Variants in ZFP30 observed in about 807,000 individuals in gnomAD.
ZFP30 encodes the protein ZFP30 zinc finger protein, also known as zinc finger protein 30 homolog.
ZFP30 carries 16 observed loss-of-function variants against 12.3 expected under a neutral mutation model. The ratio of observed to expected loss-of-function variants is 1.30; its 90% confidence interval spans 0.88 to 1.98. The LOEUF (loss-of-function observed/expected upper bound fraction) is 1.98. Ranked by LOEUF, ZFP30 falls within the 30% of genes most tolerant of loss-of-function variation. ZFP30 has a pLI of 0.00. For synonymous variants in ZFP30, 172 were observed against 201.0 expected (o/e 0.86, Z 1.22); for missense variants, 560 against 611.2 (o/e 0.92, Z 0.88).
chr19:37,649,433 GAAAT>G (rs2044605526), intron 2 of ZFP30, among the ~76,000 whole-genome samples: 2 of 152,082 alleles, frequency 1.3e-5, no homozygotes, highest in African/African-American at 4.8e-5. Flanking sequence ...TACAAAGAAT[GAAAT>G]AATATGTGGA....
chr19:37,635,872 G>A lies in ZFP30; in HGVS notation c.669C>T (p.Phe223=), dbSNP rs148086440. ...GTACTCGAAGGTCTGAGCCACATGT[G>A]AAGATCTTTCCACATTTTTTACATT... The part of the protein sequence containing the change: ...LYECKKCGKI[F]TCGSDLRVHQ... Residue 223 remains phenylalanine (F), a synonymous_variant, in exon 6 of 6, where the codon TTC becomes TTT. Coordinates refer to ENST00000684514, the MANE Select transcript of ZFP30 (RefSeq NM_001320669.3). 5 of 1,614,118 alleles carry A rather than the reference G, an allele frequency of 3.1e-6. No homozygotes were observed. The highest frequency in any genetic ancestry group is 4.2e-6 in the Non-Finnish European group (5 of 1,180,026).
rs2044303444 is a variant in ZFP30, at chr19:37,635,453, A to C, written c.1088T>G (p.Phe363Cys). 6.2e-7 allele frequency: 1 copy of C among 1,614,050 alleles called. No homozygotes were observed. Among genetic ancestry groups the C allele is most frequent in the Non-Finnish European group, 8.5e-7 (1 of 1,180,038 alleles). The change falls in exon 6 of 6, where the codon TTC becomes TGC. Residue 363 changes from phenylalanine to cysteine, a missense_variant. By Grantham distance (205) the Phe-to-Cys change is radical. Transcript: ENST00000684514. ...GAGAGTTAGATGATAGCCACGACTG[A>C]AAGTCTTCCCACATTCCTTACAATC... ...PYDCKECGKT[F>C]SRGYHLTLHQ...
chr19:37,638,099 A>G, intron 5 of ZFP30, among the ~76,000 whole-genome samples: 1 of 152,214 alleles, frequency 6.6e-6, no homozygotes, highest in East Asian at 1.9e-4. Context: ...ATAAATGGAA[A>G]ATAGTGATTT....
In ZFP30 at chr19:37,635,038, CT is replaced by C; in HGVS notation, c.1502del (p.Lys501ArgfsTer18). The C allele has an allele frequency of 6.3e-7, 1 of 1,594,162 alleles. No individual in the cohort carries two copies. The highest frequency in any genetic ancestry group is 8.5e-7 in the Non-Finnish European group (1 of 1,172,556). Reference protein sequence around the residue: ...EKPYKCKECKKAFRQHSHLTY... With the variant: ...EKPYKCKECKXAFRQHSHLTY... ...TAAGATGTGAATGTTGTCTAAATGC[CT>C]TTTTACATTCCTTACATTTGTATGG... On this transcript the variant is annotated frameshift_variant, in exon 6 of 6. Coordinates refer to ENST00000684514, the MANE Select transcript of ZFP30 (RefSeq NM_001320669.3). LOFTEE classifies it high-confidence loss of function.
At chr19:37,643,456 G>A in intron 4 of ZFP30, 93 bp from the exon 5 acceptor site, 1 of 881,444 alleles carries the variant, frequency 1.1e-6, no homozygotes, top group Non-Finnish European at 1.5e-6. Flanking sequence ...ATAGCATAGA[G>A]TTACTTCAGG....
chr19:37,631,410 G>T lies in ZFP30; in HGVS notation c.*3571C>A, dbSNP rs2044230510. ...TCTAAAAATACCATCAAGCACTAGT[G>T]TTTCCTGGGAAATGGTTTCAAATGC... On this transcript the variant is annotated 3_prime_UTR_variant, in exon 6 of 6. Coordinates refer to ENST00000684514, the MANE Select transcript of ZFP30 (RefSeq NM_001320669.3). The T allele has an allele frequency of 6.6e-6, 1 of 152,078 alleles. No homozygotes were observed. Among genetic ancestry groups the T allele is most frequent in the Non-Finnish European group, 1.5e-5 (1 of 68,016 alleles). 9.4% of individuals were successfully genotyped at this position (152,078 alleles called of 1,614,324 possible).
Position 37,633,159 on chromosome 19 carries a change from A to C in ZFP30, c.*1822T>G, listed in dbSNP as rs1395728215. On this transcript the variant is annotated 3_prime_UTR_variant, in exon 6 of 6. Transcript: ENST00000684514. ...GCACGCCAGCCTGGGCGAAAGAGCG[A>C]GACTCCGTCTCAAAAAAAAAAAAAA... The C allele has an allele frequency of 2.1e-5, 3 of 143,224 alleles. No homozygotes were observed. The highest frequency in any genetic ancestry group is 7.6e-5 in the African/African-American group (3 of 39,416). 8.9% of individuals were successfully genotyped at this position (143,224 alleles called of 1,614,324 possible).
At chr19:37,640,739 A>G (rs1007456585) in intron 5 of ZFP30, among the ~76,000 whole-genome samples, 13 of 151,486 alleles carry the variant, frequency 8.6e-5, no homozygotes, top group African/African-American at 2.7e-4. Flanking sequence ...ATAAAATAAA[A>G]TAAAATAAAG....
At chr19:37,644,555 A>G (rs1222480412) in intron 4 of ZFP30, 55 bp downstream of exon 4, 6 of 1,229,556 alleles carry the variant, frequency 4.9e-6, no homozygotes, top group Non-Finnish European at 6.5e-6. Context: ...AAGACAGCCC[A>G]GAAATTCAGT....
In ZFP30 at chr19:37,632,650, A is replaced by G. The variant is rs1207908313; in HGVS notation, c.*2331T>C. On this transcript the variant is annotated 3_prime_UTR_variant, in exon 6 of 6. Coordinates refer to ENST00000684514, the MANE Select transcript of ZFP30 (RefSeq NM_001320669.3). ...AAAATATTATTTCAATATGTACTCA[A>G]TATGAAAAATTGAGATACTTAACTT... The G allele has an allele frequency of 6.6e-6, 1 of 152,206 alleles. No individual in the cohort carries two copies. The highest frequency in any genetic ancestry group is 1.5e-5 in the Non-Finnish European group (1 of 68,030). 9.4% of individuals were successfully genotyped at this position (152,206 alleles called of 1,614,324 possible). A position where few individuals can be genotyped will look rare whatever the true frequency, so the allele number is the denominator to read the frequency against.
Position 37,631,883 on chromosome 19 carries a change from A to T in ZFP30, c.*3098T>A, listed in dbSNP as rs1389102003. 1.3e-5 allele frequency: 2 copies of T among 152,082 alleles called. No homozygotes were observed. Among genetic ancestry groups the T allele is most frequent in the Non-Finnish European group, 2.9e-5 (2 of 68,000 alleles). 9.4% of individuals were successfully genotyped at this position (152,082 alleles called of 1,614,324 possible). A position where few individuals can be genotyped will look rare whatever the true frequency, so the allele number is the denominator to read the frequency against. ...ACTGTTGGATATAATTTCCCATAGA[A>T]ATTAGAATTACCAGATTTCTCTTCA... is the stretch of plus-strand genomic sequence containing the variant. On this transcript the variant is annotated 3_prime_UTR_variant, in exon 6 of 6. Coordinates refer to ENST00000684514, the MANE Select transcript of ZFP30 (RefSeq NM_001320669.3).
chr19:37,639,853 G>A (rs1316705142), intron 5 of ZFP30, among the ~76,000 whole-genome samples: 1 of 151,670 alleles, frequency 6.6e-6, no homozygotes, highest in African/African-American at 2.4e-5. Context: ...GTCATATATG[G>A]CTCCCTACTT....
At chr19:37,646,614 G>A (rs1269048973) in intron 3 of ZFP30, among the ~76,000 whole-genome samples, 2 of 152,086 alleles carry the variant, frequency 1.3e-5, no homozygotes, top group African/African-American at 2.4e-5. Context: ...TTGGAATGGC[G>A]TGGCACAATC....
chr19:37,652,946 C>T (rs556828569), intron 2 of ZFP30, among the ~76,000 whole-genome samples: 3 of 151,670 alleles, frequency 2.0e-5, no homozygotes, highest in South Asian at 4.2e-4. Context: ...GGTGAAACCC[C>T]GTCTCTACTA....
Position 37,635,650 on chromosome 19 carries a change from GC to G in ZFP30, c.890del (p.Cys297SerfsTer73). Reference sequence around the variant, plus strand: ...CCTGACCACATTCCTTACACTCATAGCACTTCTCAGCAATGTTCAGTCTCTG... The same window carrying G: ...CCTGACCACATTCCTTACACTCATAGACTTCTCAGCAATGTTCAGTCTCTG... Reference protein sequence around the residue: ...RHQRLNIAEKCYECKECGQAF... With the variant: ...RHQRLNIAEKXYECKECGQAF... On this transcript the variant is annotated frameshift_variant, in exon 6 of 6. Transcript: ENST00000684514. LOFTEE classifies it low-confidence loss of function (END_TRUNC). 1 of 1,614,116 alleles carries G rather than the reference GC, an allele frequency of 6.2e-7. No individual in the cohort carries two copies. The highest frequency in any genetic ancestry group is 8.5e-7 in the Non-Finnish European group (1 of 1,180,034).
chr19:37,644,663 C>G lies in ZFP30; in HGVS notation c.83G>C (p.Arg28Thr). 6.2e-7 allele frequency: 1 copy of G among 1,613,162 alleles called. No homozygotes were observed. The highest frequency in any genetic ancestry group is 8.5e-7 in the Non-Finnish European group (1 of 1,179,588). The change falls in exon 4 of 6, where the codon AGG becomes ACG. Residue 28 changes from arginine to threonine, a missense_variant. Physicochemically the swap from Arg to Thr is moderately conservative, Grantham distance 71. Transcript: ENST00000684514. ...TAATATCACATCTCTGTACAAATTC[C>G]TCTGATATGAGTTCAGGCATTCCCA... is the stretch of plus-strand genomic sequence containing the variant. Reference protein sequence around the residue: ...EEWECLNSYQRNLYRDVILEN... With the variant: ...EEWECLNSYQTNLYRDVILEN...
rs1193760432 is a variant in ZFP30, at chr19:37,643,375, A to G, written c.137-12T>C. The stretch of plus-strand genomic sequence containing the variant: ...AATAGAACATCCTGCTTAAAAATAA[A>G]TAATAGAATATAATAAAGAATTTAT... On this transcript the variant is annotated splice_polypyrimidine_tract_variant and intron_variant, in intron 4 of 5. Transcript: ENST00000684514. The G allele has an allele frequency of 1.3e-5, 19 of 1,507,416 alleles. No individual in the cohort carries two copies. The highest frequency in any genetic ancestry group is 1.6e-5 in the Non-Finnish European group (18 of 1,123,974). The allele number at this position is 1,507,416 out of a possible 1,614,324, so 93.4% of individuals were successfully genotyped here.
chr19:37,648,639 C>T (rs1293290328), intron 2 of ZFP30, among the ~76,000 whole-genome samples: 1 of 152,160 alleles, frequency 6.6e-6, no homozygotes, highest in Non-Finnish European at 1.5e-5. Context: ...TGGGATTGGA[C>T]TTGAGACTTT....
chr19:37,633,398 G>C lies in ZFP30; in HGVS notation c.*1583C>G, dbSNP rs1371618245. ...GATAGAGTTTTGCTCTTGTTGCCCA[G>C]GCTGGAGTGCAATGGCGTGATCTCG... On this transcript the variant is annotated 3_prime_UTR_variant, in exon 6 of 6. Transcript: ENST00000684514. 6.6e-6 allele frequency: 1 copy of C among 152,182 alleles called. No individual in the cohort carries two copies. Among genetic ancestry groups the C allele is most frequent in the Non-Finnish European group, 1.5e-5 (1 of 68,100 alleles). 9.4% of individuals were successfully genotyped at this position (152,182 alleles called of 1,614,324 possible).
Sources: allele counts gnomAD v4.1 joint callset (sites outside exome capture counted in the v4.1 genomes callset), GRCh38; gene constraint gnomAD v4.1.1; transcripts MANE v1.5; gene names NCBI Gene and HGNC (gene_info 2026-07-23, HGNC 2026-07-21).